GALNT3: variants seen among roughly 807,000 people sequenced by gnomAD.
GALNT3 encodes GalNAc transferase 3.
GALNT3 carries 51 observed loss-of-function variants against 69.8 expected under a neutral mutation model. The ratio of observed to expected loss-of-function variants is 0.73; its 90% CI spans 0.58 to 0.92. The LOEUF is 0.92. Among genes scored for constraint, GALNT3 ranks in the 40% least tolerant of loss-of-function variants. GALNT3 has a pLI of 0.00. For synonymous variants in GALNT3, 265 were observed against 248.5 expected, an observed-to-expected ratio of 1.07 and a Z score of -0.63; for missense variants, 711 against 760.0, an observed-to-expected ratio of 0.94 and a Z score of 0.76.
At chr2:165,782,378 A>G (rs988194304) in intron 1 of GALNT3, among the ~76,000 whole-genome samples, 4 of 56,368 alleles carry the variant, frequency 7.1e-5, no homozygotes, top group Admixed American at 2.6e-4. Context: ...GAGCTGGGGG[A>G]AAAAAAAGAA....
chr2:165,761,526 A>G (rs11893583), intron 4 of GALNT3, among the ~76,000 whole-genome samples: 3,658 of 152,086 alleles, frequency 0.024, 101 homozygotes, highest in African/African-American at 0.072. Flanking sequence ...TTAAATAGTA[A>G]ATAAGCTTTC....
chr2:165,750,010 A>G (rs1688330245), intron 9 of GALNT3, 116 bp from the exon 10 acceptor site: 3 of 939,890 alleles, frequency 3.2e-6, no homozygotes, highest in South Asian at 1.3e-5. Flanking sequence ...CAACAAAATA[A>G]TACAATAAAA....
chr2:165,769,354 C>T (rs996129923), intron 2 of GALNT3, among the ~76,000 whole-genome samples: 3 of 146,800 alleles, frequency 2.0e-5, no homozygotes, highest in African/African-American at 5.0e-5. Context: ...TGCAGTGAGC[C>T]GAGATCACAC....
intron 1 of GALNT3, among the ~76,000 whole-genome samples, chr2:165,787,409 T>C (rs868682434): frequency 1.3e-5 from 2 of 152,112 alleles, no homozygotes; most frequent in South Asian, 4.2e-4. Flanking sequence ...TGTTAAGGAG[T>C]TTGCCTTATC....
rs776952080 is a variant in GALNT3 at position 165,765,054 on chromosome 2, C to T, written c.518G>A (p.Cys173Tyr). 1.2e-6 allele frequency: 2 copies of T among 1,613,496 alleles called. No individual in the cohort carries two copies. Among genetic ancestry groups the T allele is most frequent in the Non-Finnish European group, 1.7e-6 (2 of 1,179,558 alleles). ...DLGPDTRPPE[C>Y]IEQKFKRCPP... The stretch of plus-strand genomic sequence containing the variant: ...GCAGCGCTTAAATTTTTGTTCAATA[C>T]ATCTAGAAGAAGTCAGAGAAGTAGA... Residue 173 changes from cysteine to tyrosine, a missense_variant and splice_region_variant, in exon 3 of 11, where the codon TGT becomes TAT. Transcript: ENST00000392701.
At chr2:165,773,920 C>G (rs1481806822) in intron 1 of GALNT3, among the ~76,000 whole-genome samples, 2 of 152,076 alleles carry the variant, frequency 1.3e-5, no homozygotes, top group Non-Finnish European at 2.9e-5. Flanking sequence ...ACCTTTAAAA[C>G]TGAACTTCAT....
Position 165,749,795 on chromosome 2 carries a change from A to G in GALNT3, c.1726T>C (p.Tyr576His). ...QGLVQLKACTYKGHKTVVTGE... is the reference protein window; with the variant it reads ...QGLVQLKACTHKGHKTVVTGE... ...GTGACAACTGTCTTGTGACCTTTGTAGGTACATGCCTTCAGCTGAACGAGA... is the reference window on the plus strand; with the variant it reads ...GTGACAACTGTCTTGTGACCTTTGTGGGTACATGCCTTCAGCTGAACGAGA... The change falls in exon 10 of 11, where the codon TAC becomes CAC. Residue 576 changes from tyrosine (Y) to histidine (H), a missense_variant. By Grantham distance (83) the Tyr-to-His change is moderately conservative (BLOSUM62 2). Coordinates refer to ENST00000392701, the MANE Select transcript of GALNT3 (RefSeq NM_004482.4). 6.2e-7 allele frequency: 1 copy of G among 1,613,616 alleles called. No homozygotes were observed. The highest frequency in any genetic ancestry group is 8.5e-7 in the Non-Finnish European group (1 of 1,179,608).
chr2:165,757,583 C>A (rs1040734667), intron 6 of GALNT3, among the ~76,000 whole-genome samples: 1 of 152,142 alleles, frequency 6.6e-6, no homozygotes, highest in Non-Finnish European at 1.5e-5. Flanking sequence ...GGCTCTTATG[C>A]ATTTGACTTC....
intron 1 of GALNT3, among the ~76,000 whole-genome samples, chr2:165,791,133 T>C (rs1320186211): frequency 1.3e-5 from 2 of 152,148 alleles, no homozygotes; most frequent in Admixed American, 1.3e-4. Flanking sequence ...TTCTTAATAT[T>C]TGAAAGATTT....
chr2:165,749,793 G>A lies in GALNT3; in HGVS notation c.1728C>T (p.Tyr576=). The change falls in exon 10 of 11, where the codon TAC becomes TAT. Residue 576 remains tyrosine (Y), a synonymous_variant. Coordinates refer to ENST00000392701, the MANE Select transcript of GALNT3 (RefSeq NM_004482.4). ...CAGTGACAACTGTCTTGTGACCTTT[G>A]TAGGTACATGCCTTCAGCTGAACGA... ...QGLVQLKACT[Y]KGHKTVVTGE... The A allele has an allele frequency of 6.2e-7, 1 of 1,613,614 alleles. No individual in the cohort carries two copies. The highest frequency in any genetic ancestry group is 2.2e-5 in the East Asian group (1 of 44,864).
intron 1 of GALNT3, among the ~76,000 whole-genome samples, chr2:165,784,215 A>T (rs192197110): frequency 6.6e-6 from 1 of 152,278 alleles, no homozygotes; most frequent in African/African-American, 2.4e-5. Context: ...GGGGTGCTTA[A>T]TTCAGTGGGA....
Position 165,771,434 on chromosome 2 carries a change from G to A in GALNT3, c.-108-626C>T, listed in dbSNP as rs9677872. 3.0e-3 allele frequency: 456 copies of A among 152,278 alleles called. 4 individuals carry two copies. Among genetic ancestry groups the A allele is most frequent in the African/African-American group, 0.011 (443 of 41,562 alleles). The allele number at this position is 152,278 out of a possible 1,614,324, so 9.4% of individuals were successfully genotyped here. On this transcript the variant is annotated intron_variant, in intron 1 of 10. Coordinates refer to ENST00000392701, the MANE Select transcript of GALNT3 (RefSeq NM_004482.4). The stretch of plus-strand genomic sequence containing the variant: ...TTAATTTGTTGTTATATAACAGCTA[G>A]TTTTAATAGCTCACAGAAATACAAG...
chr2:165,751,037 T>A (rs1253975641), intron 9 of GALNT3, among the ~76,000 whole-genome samples: 2 of 152,178 alleles, frequency 1.3e-5, no homozygotes, highest in Non-Finnish European at 2.9e-5. Context: ...TTTCTAGCAC[T>A]CTATTAGAAT....
chr2:165,779,813 C>T (rs531701750), intron 1 of GALNT3, among the ~76,000 whole-genome samples: 21 of 152,232 alleles, frequency 1.4e-4, no homozygotes, highest in East Asian at 5.8e-4. Flanking sequence ...TAATTGGCTG[C>T]GAGGCCATAA....
chr2:165,776,045 T>A (rs1232777529), intron 1 of GALNT3, among the ~76,000 whole-genome samples: 1 of 152,192 alleles, frequency 6.6e-6, no homozygotes, highest in Non-Finnish European at 1.5e-5. Context: ...CACTGAGGTT[T>A]TACTGCAAAT....
chr2:165,788,743 GAAA>G (rs542412297), intron 1 of GALNT3, among the ~76,000 whole-genome samples: 1 of 145,444 alleles, frequency 6.9e-6, no homozygotes, highest in African/African-American at 2.5e-5. Flanking sequence ...AAGCACACAA[GAAA>G]AAAAAAACAA....
rs1448251169 is a variant in GALNT3, at chr2:165,770,218, G to A, written c.483C>T (p.His161=). ...GTCGAGTGTCTGGTCCAAGATCTCG[G>A]TGCAAAGAAATCCTGTCACTTGCGA... is the stretch of plus-strand genomic sequence containing the variant. ...NAFASDRISL[H]RDLGPDTRPP... The change falls in exon 2 of 11, where the codon CAC becomes CAT. Residue 161 remains histidine, a synonymous_variant. Transcript: ENST00000392701. 2 of 1,613,980 alleles carry A rather than the reference G, an allele frequency of 1.2e-6. No homozygotes were observed. Among genetic ancestry groups the A allele is most frequent in the Non-Finnish European group, 1.7e-6 (2 of 1,179,994 alleles).
chr2:165,779,261 T>C (rs1683048514), intron 1 of GALNT3, among the ~76,000 whole-genome samples: 1 of 152,082 alleles, frequency 6.6e-6, no homozygotes, highest in South Asian at 2.1e-4. Context: ...CTTAACATTG[T>C]ACGAGCCAGC....
chr2:165,751,614 A>G (rs1186112026), intron 9 of GALNT3, among the ~76,000 whole-genome samples: 1 of 152,234 alleles, frequency 6.6e-6, no homozygotes, highest in Non-Finnish European at 1.5e-5. Context: ...ACATAATTGG[A>G]TAACTGTGAA....
Sources: gnomAD v4.1 joint callset for allele counts (sites outside exome capture counted in the v4.1 genomes callset) on GRCh38, gnomAD v4.1.1 for gene constraint, MANE v1.5 for transcripts, NCBI Gene and HGNC (gene_info 2026-07-23, HGNC 2026-07-21) for gene names.